RANBP10: variants seen among roughly 807,000 people sequenced by gnomAD.
The protein encoded by RANBP10 is ran-binding protein 10.
Under a neutral mutation model 72.8 loss-of-function variants are expected in RANBP10, and 24 were observed. The observed-to-expected ratio is 0.33, with a 90% confidence interval of 0.24 to 0.46. The LOEUF (loss-of-function observed/expected upper bound fraction) is 0.46. Ranked by LOEUF, RANBP10 falls within the 20% of genes least tolerant of loss-of-function variation. RANBP10 has a pLI of 1.00. For missense variants in RANBP10, 679 were observed against 817.5 expected (o/e 0.83, Z 2.07); for synonymous variants, 310 against 322.3 (o/e 0.96, Z 0.41).
intron 3 of RANBP10, among the ~76,000 whole-genome samples, chr16:67,771,739 T>C (rs2054611092): frequency 6.6e-6 from 1 of 152,176 alleles, no homozygotes; most frequent in South Asian, 2.1e-4. Context: ...GCAAGGCCAA[T>C]GGGAGCAAGG....
At chr16:67,741,119 T>C (rs140348656) in intron 4 of RANBP10, among the ~76,000 whole-genome samples, 1 of 152,314 alleles carries the variant, frequency 6.6e-6, no homozygotes, top group East Asian at 1.9e-4. Flanking sequence ...ATAATATCGA[T>C]ATCTCGACTT....
chr16:67,759,523 C>G (rs2054353980), intron 3 of RANBP10: 1 of 152,226 alleles, frequency 6.6e-6, no homozygotes, highest in African/African-American at 2.4e-5. Context: ...GGCTTGTTCC[C>G]AGAAGGAGTG....
At chr16:67,764,641 T>C (rs1324334661) in intron 3 of RANBP10, among the ~76,000 whole-genome samples, 2 of 152,226 alleles carry the variant, frequency 1.3e-5, no homozygotes, top group South Asian at 2.1e-4. Flanking sequence ...CACAGTGAGC[T>C]ATGATCGTGC....
At chr16:67,728,917 C>G (rs1439690790) in intron 10 of RANBP10, among the ~76,000 whole-genome samples, 1 of 152,252 alleles carries the variant, frequency 6.6e-6, no homozygotes, top group Non-Finnish European at 1.5e-5. Context: ...AGAGCTCTAG[C>G]CTGCGGCTTA....
At chr16:67,757,824 C>T (rs1030414812) in intron 3 of RANBP10, among the ~76,000 whole-genome samples, 18 of 152,296 alleles carry the variant, frequency 1.2e-4, no homozygotes, top group African/African-American at 4.1e-4. Flanking sequence ...TAAGGTGATG[C>T]CTCTGGCACT....
At chr16:67,753,424 T>C (rs541268359) in intron 3 of RANBP10, among the ~76,000 whole-genome samples, 1 of 151,384 alleles carries the variant, frequency 6.6e-6, no homozygotes, top group African/African-American at 2.4e-5. Flanking sequence ...AACCCAGGAG[T>C]TTGAGGTGGC....
intron 2 of RANBP10, among the ~76,000 whole-genome samples, chr16:67,785,885 G>A (rs1317188558): frequency 2.6e-5 from 4 of 151,824 alleles, no homozygotes; most frequent in Non-Finnish European, 1.5e-5. Flanking sequence ...AATTAGCCGA[G>A]CATGGTGGCA....
chr16:67,800,437 G>A (rs35652982), intron 2 of RANBP10, among the ~76,000 whole-genome samples: 4,305 of 152,254 alleles, frequency 0.028, 77 homozygotes, highest in Middle Eastern at 0.061. Context: ...GGGTCACACT[G>A]GAGCATCTGT....
chr16:67,730,092 TC>T lies in RANBP10; in HGVS notation c.890-47del. 6.4e-7 allele frequency: 1 copy of T among 1,554,504 alleles called. No homozygotes were observed. The highest frequency in any genetic ancestry group is 8.8e-7 in the Non-Finnish European group (1 of 1,136,560). On this transcript the variant is annotated intron_variant, in intron 7 of 13. Coordinates refer to ENST00000317506, the MANE Select transcript of RANBP10 (RefSeq NM_020850.3). This position sits in a 1 kb window ranked among gnomAD's most constrained non-coding sequence, Gnocchi z 4.3. ...GCAGTGAGCGAGGGCTACAGGCCTCTCCCACAGCCACACACCTGGGATGCTG... is the reference window on the plus strand; with the variant it reads ...GCAGTGAGCGAGGGCTACAGGCCTCTCCACAGCCACACACCTGGGATGCTG...
At chr16:67,739,074 C>G (rs1035483192) in intron 4 of RANBP10, 1 of 152,222 alleles carries the variant, frequency 6.6e-6, no homozygotes, top group Non-Finnish European at 1.5e-5. Flanking sequence ...ATTCTCCTGC[C>G]TCAGCCTCCC....
intron 2 of RANBP10, among the ~76,000 whole-genome samples, chr16:67,798,554 G>A (rs1234103507): frequency 6.6e-6 from 1 of 152,148 alleles, no homozygotes; most frequent in Admixed American, 6.5e-5. Flanking sequence ...TAAAACATGG[G>A]GCATTACTGT....
At chr16:67,778,857 C>T (rs989286171) in intron 2 of RANBP10, among the ~76,000 whole-genome samples, 1 of 152,154 alleles carries the variant, frequency 6.6e-6, no homozygotes, top group African/African-American at 2.4e-5. Context: ...CTTTGGGAGG[C>T]CGAGGCAGAT....
chr16:67,757,976 G>C (rs1386515312), intron 3 of RANBP10, among the ~76,000 whole-genome samples: 1 of 152,168 alleles, frequency 6.6e-6, no homozygotes, highest in Non-Finnish European at 1.5e-5. Context: ...CACCAAGTGG[G>C]GCATGCCTTC....
chr16:67,744,446 T>A lies in RANBP10; in HGVS notation c.410A>T (p.Lys137Ile). ...ATCACCATGGTAACCATAGGAATGT[T>A]TGTCCCAACCTGTGGGGGAAGAGAG... ...VNMNRLPGWD[K>I]HSYGYHGDDG... The change falls in exon 4 of 14, where the codon AAA becomes ATA. Residue 137 changes from lysine (K) to isoleucine (I), a missense_variant. Physicochemically the swap from Lys to Ile is moderately radical, Grantham distance 102. Transcript: ENST00000317506. 1 of 1,613,336 alleles carries A rather than the reference T, an allele frequency of 6.2e-7. No individual in the cohort carries two copies. Among genetic ancestry groups the A allele is most frequent in the Non-Finnish European group, 8.5e-7 (1 of 1,179,542 alleles).
At chr16:67,780,093 G>A (rs923588969) in intron 2 of RANBP10, among the ~76,000 whole-genome samples, 2 of 152,054 alleles carry the variant, frequency 1.3e-5, no homozygotes, top group South Asian at 2.1e-4. Flanking sequence ...TTAGCCGGGC[G>A]TGGTGGCGGG....
chr16:67,734,392 G>A (rs1344022017), intron 6 of RANBP10, among the ~76,000 whole-genome samples: 2 of 152,200 alleles, frequency 1.3e-5, no homozygotes, highest in African/African-American at 4.8e-5. Context: ...AGCTCAGCTG[G>A]TCCTAGGGAG....
intron 2 of RANBP10, among the ~76,000 whole-genome samples, chr16:67,795,429 C>T (rs1381669208): frequency 2.0e-5 from 3 of 151,850 alleles, no homozygotes; most frequent in Non-Finnish European, 4.4e-5. Context: ...ATCCCAGCTA[C>T]TCAGGAGGCT....
At chr16:67,794,462 C>T (rs937713677) in intron 2 of RANBP10, among the ~76,000 whole-genome samples, 2 of 151,364 alleles carry the variant, frequency 1.3e-5, no homozygotes, top group South Asian at 2.1e-4. Context: ...CCACCACACC[C>T]GGCCTGCTGT....
intron 2 of RANBP10, among the ~76,000 whole-genome samples, chr16:67,784,912 T>TA (rs541713321): frequency 6.9e-4 from 99 of 144,366 alleles, no homozygotes; most frequent in Non-Finnish European, 6.9e-4. Context: ...CAGTAGCACT[T>TA]AAAAAAAAAA....
Sources: allele counts gnomAD v4.1 joint callset (sites outside exome capture counted in the v4.1 genomes callset), GRCh38; gene constraint gnomAD v4.1.1; non-coding constraint Gnocchi (gnomAD v3.1); transcripts MANE v1.5; gene names NCBI Gene and HGNC (gene_info 2026-07-23, HGNC 2026-07-21).